CNTNAP5: variants seen among roughly 807,000 people sequenced by gnomAD.
CNTNAP5 encodes the protein contactin associated protein family member 5, also known as contactin-associated protein-like 5.
CNTNAP5 carries 72 observed loss-of-function variants against 150.2 expected under a neutral mutation model. The ratio of observed to expected loss-of-function variants is 0.48; its 90% CI spans 0.40 to 0.58. The LOEUF (loss-of-function observed/expected upper bound fraction) is 0.58, where lower values mean the gene tolerates loss of function less well. Ranked by LOEUF, CNTNAP5 falls within the 20% of genes least tolerant of loss-of-function variation. CNTNAP5 has a pLI of 0.00. For missense variants in CNTNAP5, 1,636 were observed against 1,626.2 expected (o/e 1.01, Z -0.10); for synonymous variants, 672 against 619.8 (o/e 1.08, Z -1.25).
At chr2:124,765,350 T>C (rs2104602359) in intron 16 of CNTNAP5, among the ~76,000 whole-genome samples, 1 of 152,292 alleles carries the variant, frequency 6.6e-6, no homozygotes, top group Middle Eastern at 3.4e-3. Context: ...ATGCAAATTT[T>C]GTCTCAAACC....
In CNTNAP5 at chr2:124,050,723, C is replaced by T. The variant is rs139379701; in HGVS notation, c.82+24991C>T. Reference sequence around the variant, plus strand: ...TTGGGCACCTGGTTCCTCTAGGATCCCAGAATATAGCTTTGTACTTTGATG... The same window carrying T: ...TTGGGCACCTGGTTCCTCTAGGATCTCAGAATATAGCTTTGTACTTTGATG... On this transcript the variant is annotated intron_variant, in intron 1 of 23. Transcript: ENST00000682447. Among the ~76,000 whole-genome samples the T allele has an allele frequency of 1.7e-3, 262 of 152,222 alleles. 1 individual carries two copies. The highest frequency in any genetic ancestry group is 1.9e-3 in the Non-Finnish European group (132 of 68,020).
chr2:124,592,043 G>A (rs1015993066), intron 11 of CNTNAP5, among the ~76,000 whole-genome samples: 7 of 152,150 alleles, frequency 4.6e-5, no homozygotes, highest in South Asian at 2.1e-4. Context: ...GTAGTGTTAC[G>A]TGTGGGGATG....
intron 3 of CNTNAP5, among the ~76,000 whole-genome samples, chr2:124,364,348 G>A (rs925765874): frequency 5.9e-5 from 9 of 152,046 alleles, no homozygotes; most frequent in Non-Finnish European, 1.3e-4. Flanking sequence ...AAATGCGTTT[G>A]CAATGAACCT....
At chr2:124,154,151 G>A (rs1186759427) in intron 1 of CNTNAP5, among the ~76,000 whole-genome samples, 5 of 152,120 alleles carry the variant, frequency 3.3e-5, no homozygotes, top group Admixed American at 2.0e-4. Flanking sequence ...TTAGTTACAC[G>A]TTCTGTTCTT....
intron 23 of CNTNAP5, among the ~76,000 whole-genome samples, chr2:124,912,705 C>T (rs1040929016): frequency 1.3e-5 from 2 of 152,056 alleles, no homozygotes; most frequent in Non-Finnish European, 2.9e-5. Context: ...AAAAGAAAGA[C>T]TTTTGTGACT....
chr2:124,563,428 T>C, intron 11 of CNTNAP5, 105 bp downstream of exon 11: 3 of 680,670 alleles, frequency 4.4e-6, no homozygotes, highest in Non-Finnish European at 5.2e-6. Context: ...TTTTATTCAC[T>C]CATTCAGCAT....
At chr2:124,056,430 C>T (rs1681847758) in intron 1 of CNTNAP5, among the ~76,000 whole-genome samples, 1 of 152,054 alleles carries the variant, frequency 6.6e-6, no homozygotes, top group Non-Finnish European at 1.5e-5. Context: ...CCAGAACATC[C>T]TGCCTAACAC....
At chr2:124,631,337 G>A (rs777118387) in intron 12 of CNTNAP5, among the ~76,000 whole-genome samples, 3 of 152,080 alleles carry the variant, frequency 2.0e-5, no homozygotes, top group African/African-American at 4.8e-5. Context: ...CTACAAGGCT[G>A]TAGTAAACAA....
chr2:124,843,168 C>T (rs1243994772), intron 19 of CNTNAP5, among the ~76,000 whole-genome samples: 1 of 152,196 alleles, frequency 6.6e-6, no homozygotes, highest in African/African-American at 2.4e-5. Context: ...GTTTTTCATT[C>T]CAGAGTTACT....
intron 19 of CNTNAP5, among the ~76,000 whole-genome samples, chr2:124,815,358 T>C (rs1682339481): frequency 6.6e-6 from 1 of 152,238 alleles, no homozygotes; most frequent in Non-Finnish European, 1.5e-5. Context: ...TTTAATTTTG[T>C]TGGCTGCCCT....
At chr2:124,339,523 C>T (rs1689557466) in intron 3 of CNTNAP5, among the ~76,000 whole-genome samples, 2 of 152,108 alleles carry the variant, frequency 1.3e-5, no homozygotes, top group African/African-American at 4.8e-5. Flanking sequence ...TGTTTCCTTC[C>T]CCTCTGAAGT....
intron 8 of CNTNAP5, among the ~76,000 whole-genome samples, chr2:124,511,824 C>T (rs1292651042): frequency 6.6e-6 from 1 of 152,044 alleles, no homozygotes; most frequent in Non-Finnish European, 1.5e-5. Flanking sequence ...TATTTGATAC[C>T]ATGAATTTTG....
At chr2:124,188,676 GC>G (rs1685388495) in intron 1 of CNTNAP5, among the ~76,000 whole-genome samples, 1 of 131,036 alleles carries the variant, frequency 7.6e-6, no homozygotes, top group African/African-American at 2.9e-5. Flanking sequence ...CCGAGATCAC[GC>G]CACTGCACTC....
rs1678763420 is a variant in CNTNAP5 at position 124,916,109 on chromosome 2, G to A, written c.*1821G>A. Among the ~76,000 whole-genome samples, 1 of 151,964 alleles carries A rather than the reference G, an allele frequency of 6.6e-6. No homozygotes were observed. The highest frequency in any genetic ancestry group is 1.5e-5 in the Non-Finnish European group (1 of 67,972). ...TCAGTTTCAGAGCTTATGAGTTAAG[G>A]ATTTAGTTTGCAATCATATTTCTCT... On this transcript the variant is annotated 3_prime_UTR_variant, in exon 24 of 24. Coordinates refer to ENST00000682447, the MANE Select transcript of CNTNAP5 (RefSeq NM_001367498.1).
chr2:124,311,533 CT>C (rs1270628877), intron 3 of CNTNAP5, among the ~76,000 whole-genome samples: 1 of 152,176 alleles, frequency 6.6e-6, no homozygotes, highest in Non-Finnish European at 1.5e-5. Flanking sequence ...GGTCTCCACC[CT>C]TAATTACTTC....
At chr2:124,250,719 C>T (rs949942980) in intron 3 of CNTNAP5, among the ~76,000 whole-genome samples, 2 of 151,774 alleles carry the variant, frequency 1.3e-5, no homozygotes, top group African/African-American at 4.8e-5. Context: ...TTTCGAGGCC[C>T]CAGGTGTCTA....
At position 124,388,566 on chromosome 2, in the gene CNTNAP5, T is replaced by G. The variant is rs962565650; in HGVS notation, c.382-28877T>G. ...CATTCTAGGCCCAGTGCCAGGGTTA[T>G]ACACTCTCAGAGCATTTATATGTTC... On this transcript the variant is annotated intron_variant, in intron 3 of 23. Coordinates refer to ENST00000682447, the MANE Select transcript of CNTNAP5 (RefSeq NM_001367498.1). Among the ~76,000 whole-genome samples the G allele has an allele frequency of 2.0e-5, 3 of 152,242 alleles. No individual in the cohort carries two copies. The South Asian group carries it at 6.2e-4, about 32-fold the overall frequency.
chr2:124,072,575 T>C (rs1682332552), intron 1 of CNTNAP5, among the ~76,000 whole-genome samples: 1 of 152,062 alleles, frequency 6.6e-6, no homozygotes, highest in East Asian at 1.9e-4. Flanking sequence ...CATTTCTATA[T>C]GCCAGCACGG....
At chr2:124,165,965 C>T (rs182612394) in intron 1 of CNTNAP5, among the ~76,000 whole-genome samples, 73 of 152,296 alleles carry the variant, frequency 4.8e-4, no homozygotes, top group Non-Finnish European at 8.1e-4. Context: ...TCACACCCAG[C>T]CCGCTCATTC....
Sources: gnomAD v4.1 joint callset for allele counts (sites outside exome capture counted in the v4.1 genomes callset) on GRCh38, gnomAD v4.1.1 for gene constraint, MANE v1.5 for transcripts, NCBI Gene and HGNC (gene_info 2026-07-23, HGNC 2026-07-21) for gene names.